Variants in FTO observed in about 807,000 individuals in gnomAD.
FTO encodes the protein alpha-ketoglutarate-dependent dioxygenase FTO.
A neutral mutation model predicts 63.9 loss-of-function variants in FTO; 47 were observed. That is an observed-to-expected ratio of 0.74 (90% CI 0.58 to 0.94). FTO has a LOEUF of 0.94. Ranked by LOEUF, FTO falls within the 40% of genes least tolerant of loss-of-function variation. The pLI is 0.00. For missense variants in FTO, 562 were observed against 618.1 expected, an observed-to-expected ratio of 0.91 and a Z score of 0.96; for synonymous variants, 207 against 224.4, an observed-to-expected ratio of 0.92 and a Z score of 0.69.
chr16:53,905,027 G>A (rs78762684), intron 7 of FTO, among the ~76,000 whole-genome samples: 1,842 of 152,142 alleles, frequency 0.012, 21 homozygotes, highest in Middle Eastern at 0.054. Flanking sequence ...AGACAAGGAC[G>A]AAAAGAGATC....
intron 1 of FTO, among the ~76,000 whole-genome samples, chr16:53,770,599 A>T (rs2077311045): frequency 6.6e-6 from 1 of 152,172 alleles, no homozygotes; most frequent in Non-Finnish European, 1.5e-5. Flanking sequence ...GAAGGTAACT[A>T]AACACATTTT....
rs191917615 is a variant in FTO at position 54,121,657 on chromosome 16, G to C, written c.*9742G>C. 1.3e-5 allele frequency: 2 copies of C among 152,300 alleles called. No homozygotes were observed. Among genetic ancestry groups the C allele is most frequent in the African/African-American group, 2.4e-5 (1 of 41,552 alleles). The allele number at this position is 152,300 out of a possible 1,614,324, so 9.4% of individuals were successfully genotyped here. A position where few individuals can be genotyped will look rare whatever the true frequency, so the allele number is the denominator to read the frequency against. On this transcript the variant is annotated 3_prime_UTR_variant, in exon 9 of 9. Coordinates refer to ENST00000471389, the MANE Select transcript of FTO (RefSeq NM_001080432.3). ...CCAGCACTCCTGAGCCCTTCGGGTC[G>C]CGGAACAGTGCGAAGATTATTCCAA...
At chr16:53,970,184 C>T (rs1018629480) in intron 8 of FTO, among the ~76,000 whole-genome samples, 7 of 152,130 alleles carry the variant, frequency 4.6e-5, no homozygotes, top group Admixed American at 1.3e-4. Flanking sequence ...CAATGATTCC[C>T]GTTTAAAAGG....
chr16:53,706,689 G>A (rs2075632225), intron 1 of FTO, among the ~76,000 whole-genome samples: 2 of 152,178 alleles, frequency 1.3e-5, no homozygotes, highest in Admixed American at 1.3e-4. Context: ...GTGAGCCACT[G>A]TGCCTGGCCA....
chr16:53,950,155 T>TAAAAAAAAAAAAAAAAACAAAAAAAAAAA (rs2082741361), intron 8 of FTO, among the ~76,000 whole-genome samples: 1 of 50,604 alleles, frequency 2.0e-5, no homozygotes, highest in African/African-American at 5.4e-5. Context: ...TTCACATTTG[T>TAAAAAAAAAAAAAAAAACAAAAAAAAAAA]AAAAAAAAAA....
intron 8 of FTO, among the ~76,000 whole-genome samples, chr16:53,963,483 G>T (rs2083127943): frequency 6.6e-6 from 1 of 152,190 alleles, no homozygotes; most frequent in South Asian, 2.1e-4. Context: ...GAGGAGCCTG[G>T]TGGGAGGTGT....
At chr16:53,890,203 C>T (rs2151908685) in intron 7 of FTO, among the ~76,000 whole-genome samples, 1 of 152,282 alleles carries the variant, frequency 6.6e-6, no homozygotes, top group Admixed American at 6.5e-5. Flanking sequence ...AAACAATGAA[C>T]TAATCTGCAA....
intron 7 of FTO, among the ~76,000 whole-genome samples, chr16:53,898,034 C>A (rs1421007607): frequency 1.3e-5 from 2 of 152,184 alleles, no homozygotes; most frequent in Non-Finnish European, 2.9e-5. Context: ...AACCAGCTTT[C>A]CTGCTTCTAC....
chr16:53,948,042 G>A (rs773021148), intron 8 of FTO, among the ~76,000 whole-genome samples: 5 of 152,210 alleles, frequency 3.3e-5, no homozygotes, highest in Admixed American at 6.5e-5. Flanking sequence ...GGTGGTTTCG[G>A]TGGCAGGTTG....
At chr16:53,895,019 G>C (rs1291260342) in intron 7 of FTO, among the ~76,000 whole-genome samples, 1 of 152,060 alleles carries the variant, frequency 6.6e-6, no homozygotes. Context: ...AAAATCTTTG[G>C]TTTAAATCTT....
In FTO at chr16:54,090,224, C is replaced by T. The variant is rs141110367; in HGVS notation, c.1365-21538C>T. On this transcript the variant is annotated intron_variant, in intron 8 of 8. Transcript: ENST00000471389. ...CATTCTAAGGAATGAAATTGAAACACGGGCCACAGTATGAATGAACCTTGA... is the reference window on the plus strand; with the variant it reads ...CATTCTAAGGAATGAAATTGAAACATGGGCCACAGTATGAATGAACCTTGA... 1.8e-3 allele frequency among the ~76,000 whole-genome samples: 271 copies of T among 152,262 alleles called. 1 individual carries two copies. The highest frequency in any genetic ancestry group is 5.6e-3 in the African/African-American group (231 of 41,556).
intron 8 of FTO, among the ~76,000 whole-genome samples, chr16:53,988,170 C>A (rs2083716655): frequency 6.6e-6 from 1 of 152,212 alleles, no homozygotes; most frequent in African/African-American, 2.4e-5. Context: ...TTGTTTCATA[C>A]ACGTTCAGCT....
intron 7 of FTO, among the ~76,000 whole-genome samples, chr16:53,901,831 G>A (rs539822356): frequency 1.3e-5 from 2 of 152,258 alleles, no homozygotes; most frequent in Admixed American, 6.5e-5. Flanking sequence ...ATTGTTGAGT[G>A]AGTAATAACT....
At chr16:53,742,950 C>A (rs2076560491) in intron 1 of FTO, among the ~76,000 whole-genome samples, 2 of 152,234 alleles carry the variant, frequency 1.3e-5, no homozygotes, top group South Asian at 2.1e-4. Flanking sequence ...TAACTCTGGG[C>A]AGCCTCTTCT....
At chr16:54,004,342 T>C in intron 8 of FTO, among the ~76,000 whole-genome samples, 1 of 151,874 alleles carries the variant, frequency 6.6e-6, no homozygotes, top group Non-Finnish European at 1.5e-5. Context: ...CAGTGAGTTA[T>C]GAAGGGACCC....
intron 1 of FTO, among the ~76,000 whole-genome samples, chr16:53,805,779 T>G (rs2078348590): frequency 6.6e-6 from 1 of 152,190 alleles, no homozygotes; most frequent in Non-Finnish European, 1.5e-5. Flanking sequence ...TCTTTTGTCC[T>G]CTTTTACTTT....
At chr16:53,978,179 A>G (rs1054745590) in intron 8 of FTO, among the ~76,000 whole-genome samples, 5 of 152,178 alleles carry the variant, frequency 3.3e-5, no homozygotes, top group East Asian at 1.9e-4. Flanking sequence ...ACTAATCTCG[A>G]TGCACATTTT....
intron 4 of FTO, among the ~76,000 whole-genome samples, chr16:53,863,665 T>A (rs1263268921): frequency 6.6e-6 from 1 of 152,218 alleles, no homozygotes; most frequent in Non-Finnish European, 1.5e-5. Context: ...GAATTCTGGC[T>A]ACAGTGAGTA....
intron 1 of FTO, among the ~76,000 whole-genome samples, chr16:53,779,648 TG>T (rs2077540670): frequency 6.6e-6 from 1 of 152,232 alleles, no homozygotes; most frequent in African/African-American, 2.4e-5. Context: ...AGTGCAGTTT[TG>T]TTACATGGAT....
Sources: allele counts gnomAD v4.1 joint callset (sites outside exome capture counted in the v4.1 genomes callset), GRCh38; gene constraint gnomAD v4.1.1; transcripts MANE v1.5; gene names NCBI Gene and HGNC (gene_info 2026-07-23, HGNC 2026-07-21).